The following DGKB variants were observed in gnomAD, a reference collection of about 807,000 sequenced individuals.
The protein encoded by DGKB is 90 kDa diacylglycerol kinase.
In DGKB, 67 loss-of-function variants were observed where a neutral mutation model predicts 114.3. The observed-to-expected ratio is 0.59, with a 90% CI of 0.48 to 0.72. The LOEUF (loss-of-function observed/expected upper bound fraction) is 0.72. Among genes scored for constraint, DGKB ranks in the 30% least tolerant of loss-of-function variants. DGKB has a pLI of 0.00. For synonymous variants in DGKB, 398 were observed against 323.1 expected (o/e 1.23, Z -2.49); for missense variants, 907 against 975.2 (o/e 0.93, Z 0.93).
chr7:14,417,277 C>T (rs34628921), intron 21 of DGKB, among the ~76,000 whole-genome samples: 40,130 of 151,682 alleles, frequency 0.26, 5,813 homozygotes, highest in East Asian at 0.48. Context: ...TAAACTTGTT[C>T]TGAGATTGTT....
intron 2 of DGKB, among the ~76,000 whole-genome samples, chr7:14,833,896 A>G (rs1846776080): frequency 6.6e-6 from 1 of 152,154 alleles, no homozygotes; most frequent in African/African-American, 2.4e-5. Context: ...GCGCAGAGTT[A>G]AAATCTCTCC....
At chr7:14,786,344 C>T (rs894987169) in intron 2 of DGKB, among the ~76,000 whole-genome samples, 1 of 152,062 alleles carries the variant, frequency 6.6e-6, no homozygotes, top group Non-Finnish European at 1.5e-5. Flanking sequence ...AACATTTTTG[C>T]CATTCCTCCA....
chr7:14,382,355 C>T (rs1430692290), intron 21 of DGKB, among the ~76,000 whole-genome samples: 2 of 146,976 alleles, frequency 1.4e-5, no homozygotes, highest in African/African-American at 5.0e-5. Flanking sequence ...GAGGAAGATG[C>T]CTCTCTATTC....
chr7:14,932,686 G>A (rs1338811545), intron 1 of DGKB, among the ~76,000 whole-genome samples: 1 of 152,102 alleles, frequency 6.6e-6, no homozygotes, highest in Non-Finnish European at 1.5e-5. Flanking sequence ...TGGTTCCTCA[G>A]GTATTAATAA....
Position 14,697,790 on chromosome 7 carries a change from G to GA in DGKB, c.591+304_591+305insT, listed in dbSNP as rs1563943642. Among the ~76,000 whole-genome samples, 217 of 138,948 alleles carry GA rather than the reference G, an allele frequency of 1.6e-3. 1 individual carries two copies. Among genetic ancestry groups the GA allele is most frequent in the African/African-American group, 5.8e-3 (214 of 36,898 alleles). The allele number at this position is 138,948 out of a possible 152,430, so 91.2% of individuals were successfully genotyped here. A position where few individuals can be genotyped will look rare whatever the true frequency, so the allele number is the denominator to read the frequency against. ...AAAGAAACAAAGAGAAAGAAAGAAA[G>GA]GAAGGAAGGAAGAAAGAGAAAGAAA... On this transcript the variant is annotated intron_variant, in intron 8 of 25. Transcript: ENST00000402815.
intron 1 of DGKB, among the ~76,000 whole-genome samples, chr7:14,939,023 A>C (rs1403724647): frequency 1.3e-5 from 2 of 152,118 alleles, no homozygotes; most frequent in Non-Finnish European, 2.9e-5. Flanking sequence ...AGATTCACAC[A>C]CATTGCTGTC....
At chr7:14,785,789 G>A (rs62448745) in intron 2 of DGKB, among the ~76,000 whole-genome samples, 4,132 of 151,988 alleles carry the variant, frequency 0.027, 105 homozygotes, top group Middle Eastern at 0.1. Flanking sequence ...GAAACACCAC[G>A]TGAAATTAAC....
intron 19 of DGKB, among the ~76,000 whole-genome samples, chr7:14,574,668 G>T (rs1367081871): frequency 6.6e-6 from 1 of 152,142 alleles, no homozygotes; most frequent in African/African-American, 2.4e-5. Context: ...TATACCAATA[G>T]ATTCAAAACT....
intron 17 of DGKB, among the ~76,000 whole-genome samples, chr7:14,606,375 G>A (rs140362939): frequency 3.9e-5 from 6 of 152,066 alleles, no homozygotes; most frequent in South Asian, 4.1e-4. Flanking sequence ...GCTCAGCATT[G>A]GGAAACTGAT....
chr7:14,441,918 T>C (rs537646385), intron 21 of DGKB, among the ~76,000 whole-genome samples: 2 of 152,144 alleles, frequency 1.3e-5, no homozygotes, highest in Non-Finnish European at 2.9e-5. Flanking sequence ...TACAACTTTG[T>C]CATAATGCAG....
intron 19 of DGKB, among the ~76,000 whole-genome samples, chr7:14,574,870 G>T (rs781135166): frequency 5.3e-5 from 8 of 152,226 alleles, no homozygotes; most frequent in Admixed American, 2.0e-4. Context: ...CCTACTTTTT[G>T]TAAGCTTTAA....
chr7:14,333,180 CG>C (rs1562954567), intron 23 of DGKB, among the ~76,000 whole-genome samples: 1 of 152,056 alleles, frequency 6.6e-6, no homozygotes, highest in East Asian at 1.9e-4. Flanking sequence ...AGTGAGAGGC[CG>C]GGGGCAGTGG....
chr7:14,158,960 C>G (rs1464638103), intron 25 of DGKB, among the ~76,000 whole-genome samples: 1 of 152,036 alleles, frequency 6.6e-6, no homozygotes, highest in African/African-American at 2.4e-5. Flanking sequence ...TTTTTACTAC[C>G]ATGTTCTAAG....
intron 23 of DGKB, among the ~76,000 whole-genome samples, chr7:14,317,754 A>G (rs1806871202): frequency 1.0e-5 from 1 of 95,286 alleles, no homozygotes; most frequent in Non-Finnish European, 2.2e-5. Flanking sequence ...CAAGCTACCA[A>G]TGCCTTTCTT....
At chr7:14,771,817 A>G (rs376309246) in intron 2 of DGKB, among the ~76,000 whole-genome samples, 7 of 152,048 alleles carry the variant, frequency 4.6e-5, no homozygotes, top group African/African-American at 1.7e-4. Context: ...TTCTTTCCAG[A>G]TCCAGGAGAT....
At chr7:14,747,025 A>C (rs1344558718) in intron 4 of DGKB, among the ~76,000 whole-genome samples, 4 of 152,180 alleles carry the variant, frequency 2.6e-5, no homozygotes, top group Admixed American at 2.6e-4. Flanking sequence ...CTCAATTCTT[A>C]AATTATTTCT....
intron 21 of DGKB, among the ~76,000 whole-genome samples, chr7:14,374,705 G>A (rs969492251): frequency 1.2e-4 from 19 of 152,168 alleles, no homozygotes; most frequent in African/African-American, 3.6e-4. Flanking sequence ...CTCTCTTGCC[G>A]TACAGCAGGG....
At chr7:14,754,660 C>T (rs1170104533) in intron 3 of DGKB, among the ~76,000 whole-genome samples, 3 of 152,100 alleles carry the variant, frequency 2.0e-5, no homozygotes, top group Non-Finnish European at 2.9e-5. Flanking sequence ...ATTTACATGG[C>T]CTGACTATGT....
At chr7:14,713,678 T>C (rs1236904015) in intron 6 of DGKB, among the ~76,000 whole-genome samples, 2 of 151,468 alleles carry the variant, frequency 1.3e-5, no homozygotes, top group Non-Finnish European at 2.9e-5. Flanking sequence ...GTTGACTAGA[T>C]GGTCTTTAAG....
Sources: gnomAD v4.1 joint callset for allele counts (sites outside exome capture counted in the v4.1 genomes callset) on GRCh38, gnomAD v4.1.1 for gene constraint, MANE v1.5 for transcripts, NCBI Gene and HGNC (gene_info 2026-07-23, HGNC 2026-07-21) for gene names.